The following MTMR7 variants were observed in gnomAD, a reference collection of about 807,000 sequenced individuals.
MTMR7 encodes myotubularin related protein 7, also known as phosphatidylinositol-3-phosphate phosphatase MTMR7.
A neutral mutation model predicts 81.2 loss-of-function variants in MTMR7; 76 were observed. The ratio of observed to expected loss-of-function variants is 0.94; its 90% CI spans 0.78 to 1.13. The LOEUF is 1.13. Among genes scored for constraint, MTMR7 ranks in the 50% most tolerant of loss-of-function variants. The pLI, the probability that MTMR7 is intolerant of heterozygous loss-of-function variation, is 0.00. For missense variants in MTMR7, 1,044 were observed against 820.0 expected (o/e 1.27, Z -3.34); for synonymous variants, 372 against 289.8 (o/e 1.28, Z -2.88).
chr8:17,354,451 A>C (rs1819825156), intron 4 of MTMR7, among the ~76,000 whole-genome samples: 2 of 152,330 alleles, frequency 1.3e-5, no homozygotes, highest in South Asian at 4.1e-4. Flanking sequence ...TAGGTAAAAA[A>C]AGAAATCTGA....
intron 2 of MTMR7, among the ~76,000 whole-genome samples, chr8:17,371,448 G>A (rs1306415511): frequency 2.6e-5 from 4 of 152,164 alleles, no homozygotes; most frequent in African/African-American, 4.8e-5. Context: ...AAACCATTCA[G>A]CATATAAATT....
At chr8:17,401,972 T>C (rs1247917135) in intron 1 of MTMR7, among the ~76,000 whole-genome samples, 4 of 152,208 alleles carry the variant, frequency 2.6e-5, no homozygotes, top group Non-Finnish European at 5.9e-5. Context: ...ACATATTTTA[T>C]AGGGTTATTT....
intron 1 of MTMR7, among the ~76,000 whole-genome samples, chr8:17,386,640 C>T (rs1585113704): frequency 8.2e-6 from 1 of 121,756 alleles, no homozygotes; most frequent in East Asian, 2.2e-4. Context: ...GCAGGCTCTG[C>T]TCATGATGGC....
chr8:17,377,192 G>T (rs1229839116), intron 1 of MTMR7, among the ~76,000 whole-genome samples: 1 of 152,002 alleles, frequency 6.6e-6, no homozygotes, highest in Non-Finnish European at 1.5e-5. Flanking sequence ...GTATTTATTA[G>T]TTGAAACAAG....
At chr8:17,342,855 G>A (rs1819443694) in intron 5 of MTMR7, among the ~76,000 whole-genome samples, 1 of 152,012 alleles carries the variant, frequency 6.6e-6, no homozygotes, top group Admixed American at 6.6e-5. Flanking sequence ...TGGTGGGGAG[G>A]AGAAAAAGAT....
chr8:17,358,027 A>G (rs1819948207), intron 4 of MTMR7, among the ~76,000 whole-genome samples: 1 of 152,224 alleles, frequency 6.6e-6, no homozygotes, highest in Non-Finnish European at 1.5e-5. Context: ...AAATACAGGG[A>G]AAAACCATCC....
At chr8:17,369,645 T>C (rs1026902229) in intron 3 of MTMR7, among the ~76,000 whole-genome samples, 37 of 128,024 alleles carry the variant, frequency 2.9e-4, no homozygotes, top group African/African-American at 1.1e-3. Context: ...TTTTTTCTTT[T>C]TTTTTTTTTT....
Position 17,332,340 on chromosome 8 carries a change from CAAAATT to C in MTMR7, c.733-1064_733-1059del, listed in dbSNP as rs948461107. Among the ~76,000 whole-genome samples, 54 of 152,076 alleles carry C rather than the reference CAAAATT, an allele frequency of 3.6e-4. 1 individual carries two copies. Among genetic ancestry groups the C allele is most frequent in the Non-Finnish European group, 8.8e-5 (6 of 67,998 alleles). ...TGACACAGATCTCCTAAAAGTCTGA[CAAAATT>C]AAAAGTACCAGCACATAAAAATAGA... On this transcript the variant is annotated intron_variant, in intron 6 of 13. Coordinates refer to ENST00000180173, the MANE Select transcript of MTMR7 (RefSeq NM_004686.5).
Position 17,382,149 on chromosome 8 carries a change from T to G in MTMR7, c.25-8909A>C, listed in dbSNP as rs1454677176. Among the ~76,000 whole-genome samples, 4 of 152,172 alleles carry G rather than the reference T, an allele frequency of 2.6e-5. No individual in the cohort carries two copies. The East Asian group carries it at 7.7e-4, about 29-fold the overall frequency. ...GATGGCCAACACGACTTTTGTGACT[T>G]ACTGAGGAAAGGAAGCATCAGCCAC... is the stretch of plus-strand genomic sequence containing the variant. On this transcript the variant is annotated intron_variant, in intron 1 of 13. Transcript: ENST00000180173.
At chr8:17,367,523 A>G (rs1820266639) in intron 3 of MTMR7, among the ~76,000 whole-genome samples, 1 of 152,344 alleles carries the variant, frequency 6.6e-6, no homozygotes, top group Admixed American at 6.5e-5. Context: ...TTTACCAAGA[A>G]TGAAACAGCT....
At chr8:17,339,635 T>A (rs1819349102) in intron 6 of MTMR7, among the ~76,000 whole-genome samples, 1 of 152,264 alleles carries the variant, frequency 6.6e-6, no homozygotes, top group African/African-American at 2.4e-5. Context: ...ATACCATATT[T>A]TGTAAATCCA....
intron 1 of MTMR7, among the ~76,000 whole-genome samples, chr8:17,375,411 G>A (rs566091108): frequency 6.6e-6 from 1 of 151,794 alleles, no homozygotes; most frequent in Non-Finnish European, 1.5e-5. Flanking sequence ...AAATTCCTGA[G>A]GACTTGTGAA....
At chr8:17,354,628 C>T (rs1274703972) in intron 4 of MTMR7, among the ~76,000 whole-genome samples, 2 of 152,154 alleles carry the variant, frequency 1.3e-5, no homozygotes, top group Non-Finnish European at 2.9e-5. Context: ...CCACCATCGA[C>T]AATTGTTTCT....
At chr8:17,380,260 A>G (rs1032191162) in intron 1 of MTMR7, among the ~76,000 whole-genome samples, 13 of 152,220 alleles carry the variant, frequency 8.5e-5, no homozygotes, top group Non-Finnish European at 1.6e-4. Flanking sequence ...AAATCACCAA[A>G]TAACAATAAA....
chr8:17,411,955 C>T (rs892962154), intron 1 of MTMR7, among the ~76,000 whole-genome samples: 1 of 152,204 alleles, frequency 6.6e-6, no homozygotes, highest in Non-Finnish European at 1.5e-5. Flanking sequence ...AGGGCAGAGT[C>T]CATGAGTTAA....
chr8:17,409,913 T>C (rs73211159), intron 1 of MTMR7, among the ~76,000 whole-genome samples: 8,841 of 152,078 alleles, frequency 0.058, 526 homozygotes, highest in East Asian at 0.34. Flanking sequence ...TGAAGACAAG[T>C]TGTGATCAGA....
At position 17,324,042 on chromosome 8, in the gene MTMR7, T is replaced by C. The variant is rs77587104; in HGVS notation, c.865+7108A>G. The stretch of plus-strand genomic sequence containing the variant: ...ACCTTCTTTTCTTTTGTCCCTTTGA[T>C]AATGTCAAACGCTTTGGCTTTGACA... On this transcript the variant is annotated intron_variant, in intron 7 of 13. Transcript: ENST00000180173. Among the ~76,000 whole-genome samples, 367 of 152,346 alleles carry C rather than the reference T, an allele frequency of 2.4e-3. 13 individuals carry two copies. In the East Asian group the frequency reaches 0.06, roughly 25 times the overall value.
At chr8:17,363,220 C>A (rs575852887) in intron 3 of MTMR7, among the ~76,000 whole-genome samples, 1 of 152,312 alleles carries the variant, frequency 6.6e-6, no homozygotes, top group East Asian at 1.9e-4. Flanking sequence ...CACATCTTTT[C>A]CATCTCTAAG....
chr8:17,310,877 C>T (rs1817743676), intron 9 of MTMR7, among the ~76,000 whole-genome samples: 2 of 152,000 alleles, frequency 1.3e-5, no homozygotes, highest in Non-Finnish European at 2.9e-5. Context: ...GAACTTATAC[C>T]AGATTAGTGA....
Sources: allele counts gnomAD v4.1 joint callset (sites outside exome capture counted in the v4.1 genomes callset), GRCh38; gene constraint gnomAD v4.1.1; transcripts MANE v1.5; gene names NCBI Gene and HGNC (gene_info 2026-07-23, HGNC 2026-07-21).